The following DAB2IP variants were observed in gnomAD, a reference collection of about 807,000 sequenced individuals.
The protein encoded by DAB2IP is DAB2 interacting protein, also known as disabled homolog 2-interacting protein.
Under a neutral mutation model 107.2 loss-of-function variants are expected in DAB2IP, and 28 were observed. The ratio of observed to expected loss-of-function variants is 0.26; its 90% CI spans 0.19 to 0.36. The LOEUF is 0.36. Ranked by LOEUF, DAB2IP falls within the 10% of genes least tolerant of loss-of-function variation. DAB2IP has a pLI of 1.00. For synonymous variants in DAB2IP, 755 were observed against 706.4 expected (o/e 1.07, Z -1.09); for missense variants, 1,400 against 1,644.7 (o/e 0.85, Z 2.57).
intron 3 of DAB2IP, among the ~76,000 whole-genome samples, chr9:121,756,655 G>T (rs770107888): frequency 2.0e-5 from 3 of 152,260 alleles, no homozygotes; most frequent in Non-Finnish European, 4.4e-5. Flanking sequence ...GCCCAGAACT[G>T]CAGACAGCTG....
chr9:121,714,517 T>A (rs547767875), intron 3 of DAB2IP, among the ~76,000 whole-genome samples: 73 of 152,254 alleles, frequency 4.8e-4, no homozygotes, highest in South Asian at 1.0e-3. Context: ...ATTCAAATAT[T>A]ATAGAGGCTG....
chr9:121,771,818 C>G (rs1242060153), intron 11 of DAB2IP, among the ~76,000 whole-genome samples: 1 of 152,176 alleles, frequency 6.6e-6, no homozygotes, highest in Non-Finnish European at 1.5e-5. Context: ...GCTAAGCCAA[C>G]CCATTCCCCA....
At chr9:121,639,972 A>G (rs969118346) in intron 1 of DAB2IP, among the ~76,000 whole-genome samples, 1 of 152,170 alleles carries the variant, frequency 6.6e-6, no homozygotes, top group Non-Finnish European at 1.5e-5. Context: ...CCCACATCCC[A>G]GGGGACTGGA....
At chr9:121,773,561 A>T in intron 12 of DAB2IP, 66 bp downstream of exon 12, 1 of 1,364,406 alleles carries the variant, frequency 7.3e-7, no homozygotes, top group East Asian at 2.8e-5. Flanking sequence ...CATACCCCAT[A>T]CCATGCTCCT....
rs1184843475 is a variant in DAB2IP, at chr9:121,736,334, G to C, written c.363-20679G>C. Among the ~76,000 whole-genome samples, 1 of 152,194 alleles carries C rather than the reference G, an allele frequency of 6.6e-6. No homozygotes were observed. Among genetic ancestry groups the C allele is most frequent in the African/African-American group, 2.4e-5 (1 of 41,450 alleles). The stretch of plus-strand genomic sequence containing the variant: ...GGGCAAGTGAGGGGCTGGCGGGGCC[G>C]GTGGGGACCCAGACTCGCACGAAGG... On this transcript the variant is annotated intron_variant, in intron 3 of 15. Transcript: ENST00000408936. This position sits in a 1 kb window ranked among gnomAD's most constrained non-coding sequence, Gnocchi z 4.6.
Position 121,782,531 on chromosome 9 carries a change from GAGGGGGAC to G in DAB2IP, c.*34_*41del, listed in dbSNP as rs1303152899. 6.2e-7 allele frequency: 1 copy of G among 1,609,378 alleles called. No individual in the cohort carries two copies. The highest frequency in any genetic ancestry group is 8.5e-7 in the Non-Finnish European group (1 of 1,176,872). ...GAGGAGGGAGGAAGCTACCCAAGGA[GAGGGGGAC>G]TATGGTGGCCAAGGGCAGGGTCTCG... On this transcript the variant is annotated 3_prime_UTR_variant, in exon 16 of 16. Transcript: ENST00000408936. This position sits in a 1 kb window ranked among gnomAD's most constrained non-coding sequence, Gnocchi z 6.1.
At chr9:121,783,518 T>G (rs1376547044) in exon 16 of DAB2IP, 1 of 1,613,778 alleles carries the variant, frequency 6.2e-7, no homozygotes, top group African/African-American at 1.3e-5. Flanking sequence ...ATAACTGTGA[T>G]TTTTTTTCCT....
At chr9:121,724,264 C>G (rs995697773) in intron 3 of DAB2IP, among the ~76,000 whole-genome samples, 2 of 152,138 alleles carry the variant, frequency 1.3e-5, no homozygotes, top group East Asian at 3.9e-4. Flanking sequence ...ACCTGACTAC[C>G]TTTCCAGTTG....
chr9:121,765,653 T>C (rs1437471574), intron 8 of DAB2IP, among the ~76,000 whole-genome samples: 1 of 152,188 alleles, frequency 6.6e-6, no homozygotes, highest in Non-Finnish European at 1.5e-5. Flanking sequence ...CCTGAGCTCA[T>C]GGCAGAGCCA....
At chr9:121,605,144 C>G (rs929895695) in intron 1 of DAB2IP, among the ~76,000 whole-genome samples, 1 of 152,118 alleles carries the variant, frequency 6.6e-6, no homozygotes, top group Non-Finnish European at 1.5e-5. Flanking sequence ...CTCAGCCTCC[C>G]AAGTAGTTGG....
chr9:121,685,108 G>A (rs1333654529), intron 2 of DAB2IP, among the ~76,000 whole-genome samples: 3 of 152,144 alleles, frequency 2.0e-5, no homozygotes, highest in Admixed American at 6.5e-5. Flanking sequence ...GCGGATGGGC[G>A]GGGTGGTGGA....
At chr9:121,783,752 G>A in exon 16 of DAB2IP, 1 of 683,422 alleles carries the variant, frequency 1.5e-6, no homozygotes, top group South Asian at 1.8e-5. Flanking sequence ...GCATACAGGG[G>A]AGGGGCGCAC....
intron 3 of DAB2IP, among the ~76,000 whole-genome samples, chr9:121,723,813 C>T (rs1043637178): frequency 1.3e-5 from 2 of 152,170 alleles, no homozygotes; most frequent in Non-Finnish European, 2.9e-5. Flanking sequence ...TCTACTTAGG[C>T]TGGTGAGCCC....
Position 121,776,461 on chromosome 9 carries a change from C to T in DAB2IP, c.3314+70C>T, listed in dbSNP as rs1243403732. 1 of 1,430,110 alleles carries T rather than the reference C, an allele frequency of 7.0e-7. No individual in the cohort carries two copies. The highest frequency in any genetic ancestry group is 1.4e-5 in the African/African-American group (1 of 69,100). The allele number at this position is 1,430,110 out of a possible 1,614,324, so 88.6% of individuals were successfully genotyped here. The stretch of plus-strand genomic sequence containing the variant: ...CAGCCATCGCTGCCTTCGAGGAGGC[C>T]CCTGGTCGGGGAGCCTCCTCAAAGG... On this transcript the variant is annotated intron_variant, in intron 14 of 15. Coordinates refer to ENST00000408936, the Ensembl canonical transcript of DAB2IP. This position sits in a 1 kb window ranked among gnomAD's most constrained non-coding sequence, Gnocchi z 5.4.
chr9:121,774,521 A>C lies in DAB2IP; in HGVS notation c.3120+109A>C. The stretch of plus-strand genomic sequence containing the variant: ...AGCAACGGGTGCTGCTGTCCTTGTG[A>C]AGGGCCCGTCACCTCTGAGCCCCTG... On this transcript the variant is annotated intron_variant, in intron 13 of 15. Transcript: ENST00000408936. The C allele has an allele frequency of 3.1e-6, 4 of 1,287,882 alleles. No homozygotes were observed. In the South Asian group the frequency reaches 6.4e-5, roughly 20 times the overall value. The allele number at this position is 1,287,882 out of a possible 1,614,324, so 79.8% of individuals were successfully genotyped here. A position where few individuals can be genotyped will look rare whatever the true frequency, so the allele number is the denominator to read the frequency against.
intron 1 of DAB2IP, among the ~76,000 whole-genome samples, chr9:121,660,837 T>C (rs985727501): frequency 3.9e-5 from 6 of 152,184 alleles, no homozygotes; most frequent in Admixed American, 2.0e-4. Flanking sequence ...TTTAAACATC[T>C]ATATTTGGCA....
chr9:121,651,592 CGG>C (rs1363119802), exon 1 of DAB2IP: 68 of 971,104 alleles, frequency 7.0e-5, no homozygotes, highest in Non-Finnish European at 8.3e-5. This position sits in a 1 kb window ranked among gnomAD's most constrained non-coding sequence, Gnocchi z 5.1. Flanking sequence ...GCCGGCTGCT[CGG>C]GGAGCGGGAG....
intron 3 of DAB2IP, among the ~76,000 whole-genome samples, chr9:121,716,573 T>C (rs1830615324): frequency 6.6e-6 from 1 of 152,194 alleles, no homozygotes; most frequent in South Asian, 2.1e-4. Flanking sequence ...AGCAGGGCCC[T>C]TAGAGACTGG....
intron 1 of DAB2IP, among the ~76,000 whole-genome samples, chr9:121,601,788 A>C (rs1336313925): frequency 6.6e-6 from 1 of 152,142 alleles, no homozygotes; most frequent in African/African-American, 2.4e-5. Flanking sequence ...AGATCCTACA[A>C]CTGGTAAGGG....
Sources: allele counts gnomAD v4.1 joint callset (sites outside exome capture counted in the v4.1 genomes callset), GRCh38; gene constraint gnomAD v4.1.1; non-coding constraint Gnocchi (gnomAD v3.1); transcripts MANE v1.5; gene names NCBI Gene and HGNC (gene_info 2026-07-23, HGNC 2026-07-21).